Variants in USP8 observed in about 807,000 individuals in gnomAD.
USP8 encodes ubiquitin specific peptidase 8.
USP8 carries 27 observed loss-of-function variants against 130.0 expected under a neutral mutation model. That is an observed-to-expected ratio of 0.21 (90% CI 0.15 to 0.29). The LOEUF (loss-of-function observed/expected upper bound fraction) is 0.29. USP8 is among the 10% of genes least tolerant of loss of function. USP8 has a pLI of 1.00. For missense variants in USP8, 1,029 were observed against 1,312.2 expected, an observed-to-expected ratio of 0.78 and a Z score of 3.33; for synonymous variants, 392 against 444.1, an observed-to-expected ratio of 0.88 and a Z score of 1.48.
intron 14 of USP8, 111 bp downstream of exon 14, chr15:50,490,636 T>G: frequency 7.5e-7 from 1 of 1,340,352 alleles, no homozygotes. Context: ...TGTGGATGGC[T>G]ATACCAGCCG....
chr15:50,481,432 A>T, intron 10 of USP8, 49 bp from the exon 11 acceptor site: 1 of 1,365,238 alleles, frequency 7.3e-7, no homozygotes, highest in Non-Finnish European at 9.7e-7. Flanking sequence ...AACTGAGGTT[A>T]TTTCCTGATT....
At chr15:50,479,228 G>A (rs967029044) in intron 10 of USP8, among the ~76,000 whole-genome samples, 2 of 152,192 alleles carry the variant, frequency 1.3e-5, no homozygotes, top group African/African-American at 4.8e-5. Context: ...TAGCTGAGAA[G>A]ATCAAGGACG....
chr15:50,448,972 T>A (rs2050526626), intron 3 of USP8, among the ~76,000 whole-genome samples: 1 of 152,192 alleles, frequency 6.6e-6, no homozygotes, highest in Admixed American at 6.5e-5. Context: ...AGCAAAAATA[T>A]CTGTTTAGAA....
At chr15:50,461,606 G>A (rs1304253160) in intron 5 of USP8, among the ~76,000 whole-genome samples, 1 of 152,142 alleles carries the variant, frequency 6.6e-6, no homozygotes, top group Non-Finnish European at 1.5e-5. Flanking sequence ...TATAATCCCA[G>A]CACTTTGGGA....
In USP8 at chr15:50,483,688, G is replaced by A. The variant is rs187018892; in HGVS notation, c.1804-587G>A. On this transcript the variant is annotated intron_variant, in intron 11 of 19. Coordinates refer to ENST00000307179, the MANE Select transcript of USP8 (RefSeq NM_005154.5). ...GGGCGCCTGTAGTCCCAGCTGCTTG[G>A]GAGGCTGAAGCAGGAGAATCACTTG... is the stretch of plus-strand genomic sequence containing the variant. Among the ~76,000 whole-genome samples, 60 of 152,072 alleles carry A rather than the reference G, an allele frequency of 3.9e-4. No individual in the cohort carries two copies. In the East Asian group the frequency reaches 0.011, roughly 29 times the overall value.
intron 5 of USP8, among the ~76,000 whole-genome samples, chr15:50,461,851 CA>C (rs35159499): frequency 0.38 from 45,851 of 120,414 alleles, 7,232 homozygotes; most frequent in East Asian, 0.51. Context: ...GACTCCGTCT[CA>C]AAAAAAAAAA....
At chr15:50,437,082 C>T (rs574390467) in intron 1 of USP8, among the ~76,000 whole-genome samples, 1 of 152,104 alleles carries the variant, frequency 6.6e-6, no homozygotes, top group Admixed American at 6.6e-5. Flanking sequence ...TCTGGATACT[C>T]TCTTCATATT....
Position 50,449,441 on chromosome 15 carries a change from A to G in USP8, c.291A>G (p.Lys97=), listed in dbSNP as rs771642021. The G allele has an allele frequency of 6.3e-7, 1 of 1,598,494 alleles. No homozygotes were observed. Among genetic ancestry groups the G allele is most frequent in the South Asian group, 1.1e-5 (1 of 88,006 alleles). The change falls in exon 4 of 20, where the codon AAA becomes AAG. Residue 97 remains lysine (K), a synonymous_variant. Coordinates refer to ENST00000307179, the MANE Select transcript of USP8 (RefSeq NM_005154.5). ...HSILGPGNIK[K]AVEEAERLSE... ...TACTTGGACCTGGAAACATCAAAAA[A>G]GCTGTCGAAGAAGCTGAAAGACTCT...
chr15:50,447,688 G>A (rs1001890011), intron 3 of USP8, among the ~76,000 whole-genome samples: 2 of 151,278 alleles, frequency 1.3e-5, no homozygotes, highest in South Asian at 2.1e-4. Flanking sequence ...TCAGCCTCCC[G>A]AGTAGCTGGG....
chr15:50,439,878 A>G (rs1247280370), intron 2 of USP8, among the ~76,000 whole-genome samples: 1 of 151,702 alleles, frequency 6.6e-6, no homozygotes, highest in Non-Finnish European at 1.5e-5. Context: ...ACCTGAGGTC[A>G]GGAGTTCGAT....
At chr15:50,456,237 A>G (rs138104052) in intron 4 of USP8, among the ~76,000 whole-genome samples, 126 of 152,252 alleles carry the variant, frequency 8.3e-4, no homozygotes, top group African/African-American at 2.8e-3. Flanking sequence ...ATTTCTGTCA[A>G]TGGAATACAT....
At chr15:50,459,702 A>G (rs1019575646) in intron 5 of USP8, among the ~76,000 whole-genome samples, 1 of 152,172 alleles carries the variant, frequency 6.6e-6, no homozygotes, top group Non-Finnish European at 1.5e-5. Flanking sequence ...AGACATTATA[A>G]ACTTAATTAG....
intron 7 of USP8, among the ~76,000 whole-genome samples, chr15:50,466,213 A>G (rs1405444498): frequency 6.6e-6 from 1 of 152,160 alleles, no homozygotes; most frequent in Admixed American, 6.6e-5. Flanking sequence ...AAAATTAGGT[A>G]ATAAAATCTG....
intron 1 of USP8, chr15:50,424,793 T>A (rs950263845): frequency 3.3e-6 from 1 of 301,968 alleles, no homozygotes; most frequent in Non-Finnish European, 6.0e-6. Flanking sequence ...TGGACACTTA[T>A]ACCCGACTTT....
At chr15:50,437,685 A>T (rs749053839) in intron 1 of USP8, among the ~76,000 whole-genome samples, 1 of 152,228 alleles carries the variant, frequency 6.6e-6, no homozygotes, top group Non-Finnish European at 1.5e-5. Context: ...ACCCAGGGGA[A>T]CCCTGTCATA....
chr15:50,433,174 C>A (rs563277061), intron 1 of USP8, among the ~76,000 whole-genome samples: 1 of 151,510 alleles, frequency 6.6e-6, no homozygotes, highest in Non-Finnish European at 1.5e-5. Flanking sequence ...GTGGAGGTTG[C>A]AGTGAGCCAA....
Position 50,459,035 on chromosome 15 carries a change from A to T in USP8, c.371A>T (p.Glu124Val), listed in dbSNP as rs2050887423. The T allele has an allele frequency of 6.2e-7, 1 of 1,613,630 alleles. No homozygotes were observed. Among genetic ancestry groups the T allele is most frequent in the South Asian group, 1.1e-5 (1 of 91,036 alleles). Residue 124 changes from glutamate to valine, a missense_variant, in exon 5 of 20, where the codon GAA (glutamate) becomes GTA (valine). By Grantham distance (121) the Glu-to-Val change is moderately radical. Transcript: ENST00000307179. Reference protein sequence around the residue: ...EEAEVRKKLEEKDRQEEAQRL... With the variant: ...EEAEVRKKLEVKDRQEEAQRL... ...GCTGAAGTCCGGAAAAAACTTGAGG[A>T]AAAAGACAGGCAGGAGGAAGCACAG...
intron 15 of USP8, chr15:50,493,115 G>A: frequency 3.1e-6 from 2 of 653,908 alleles, no homozygotes; most frequent in Non-Finnish European, 2.8e-6. Flanking sequence ...CTTTTTTGCT[G>A]CATCCTCACA....
At chr15:50,488,826 G>A (rs1463189092) in intron 12 of USP8, among the ~76,000 whole-genome samples, 1 of 151,720 alleles carries the variant, frequency 6.6e-6, no homozygotes, top group African/African-American at 2.4e-5. Context: ...ACCTGCCTCG[G>A]CCTCCCAAAG....
Sources: allele counts gnomAD v4.1 joint callset (sites outside exome capture counted in the v4.1 genomes callset), GRCh38; gene constraint gnomAD v4.1.1; transcripts MANE v1.5; gene names NCBI Gene and HGNC (gene_info 2026-07-23, HGNC 2026-07-21).